The following SGMS1 variants were observed in gnomAD, a reference collection of about 807,000 sequenced individuals.
SGMS1 encodes the protein phosphatidylcholine:ceramide cholinephosphotransferase 1.
In SGMS1, 13 loss-of-function variants were observed where a neutral mutation model predicts 46.2. The ratio of observed to expected loss-of-function variants is 0.28; its 90% CI spans 0.18 to 0.45. The LOEUF is 0.45. SGMS1 is among the 20% of genes least tolerant of loss of function. The probability of loss-of-function intolerance (pLI) is 1.00; values close to 1 mark genes in which losing one functional copy is unlikely to be tolerated. For missense variants in SGMS1, 324 were observed against 519.9 expected (o/e 0.62, Z 3.66); for synonymous variants, 203 against 187.8 (o/e 1.08, Z -0.66).
intron 2 of SGMS1, among the ~76,000 whole-genome samples, chr10:50,567,436 G>A (rs1006082959): frequency 2.0e-5 from 3 of 152,160 alleles, no homozygotes; most frequent in Non-Finnish European, 2.9e-5. Context: ...GACAGGTTTG[G>A]TTAACACACA....
At chr10:50,517,188 C>T (rs1837813871) in intron 3 of SGMS1, among the ~76,000 whole-genome samples, 1 of 152,096 alleles carries the variant, frequency 6.6e-6, no homozygotes, top group African/African-American at 2.4e-5. Context: ...GCATGTAATC[C>T]ATACTCACCC....
rs1013339250 is a variant in SGMS1, at chr10:50,488,955, G to T, written c.-497-22023C>A. ...GCCCAAGCAACTCTATGAGATTAAA[G>T]ATGCTTTTTAAAAAGCTATAATCAT... On this transcript the variant is annotated intron_variant, in intron 3 of 10. Coordinates refer to ENST00000361781, the MANE Select transcript of SGMS1 (RefSeq NM_147156.4). Among the ~76,000 whole-genome samples the T allele has an allele frequency of 1.8e-4, 28 of 152,174 alleles. 1 individual carries two copies. The highest frequency in any genetic ancestry group is 3.9e-4 in the Admixed American group (6 of 15,270).
At chr10:50,507,862 C>T (rs913692316) in intron 3 of SGMS1, among the ~76,000 whole-genome samples, 1 of 152,180 alleles carries the variant, frequency 6.6e-6, no homozygotes, top group African/African-American at 2.4e-5. Context: ...TACCCTAATA[C>T]CCTGGAATGG....
chr10:50,379,982 G>C (rs1848578206), intron 6 of SGMS1, among the ~76,000 whole-genome samples: 1 of 152,122 alleles, frequency 6.6e-6, no homozygotes, highest in Admixed American at 6.6e-5. Flanking sequence ...TATTCAGAAA[G>C]ACTCACCCAA....
chr10:50,550,328 C>T (rs1838137667), intron 2 of SGMS1, among the ~76,000 whole-genome samples: 1 of 152,148 alleles, frequency 6.6e-6, no homozygotes, highest in Admixed American at 6.6e-5. Context: ...CTTTTCATTA[C>T]CTCACCAAGC....
In SGMS1 at chr10:50,343,870, T is replaced by C. The variant is rs751561713; in HGVS notation, c.245A>G (p.Asn82Ser). Residue 82 changes from asparagine (N) to serine (S), a missense_variant, in exon 7 of 11, where the codon AAT (asparagine) becomes AGT (serine). Transcript: ENST00000361781. ...GTCTACGCCAATGTTGAGGTGCCCA[T>C]TGGCATGGCCGTTCTTGTGTGCTTC... ...HLEAHKNGHA[N>S]GHLNIGVDIP... 4 of 1,614,158 alleles carry C rather than the reference T, an allele frequency of 2.5e-6. No homozygotes were observed. The highest frequency in any genetic ancestry group is 2.2e-5 in the East Asian group (1 of 44,874).
chr10:50,490,510 A>G (rs1054260209), intron 3 of SGMS1, among the ~76,000 whole-genome samples: 13 of 152,234 alleles, frequency 8.5e-5, no homozygotes, highest in African/African-American at 3.1e-4. Context: ...GCAACACTGA[A>G]GAATCTCGAT....
chr10:50,615,837 G>A (rs1023894580), intron 1 of SGMS1, among the ~76,000 whole-genome samples: 1 of 152,042 alleles, frequency 6.6e-6, no homozygotes, highest in Non-Finnish European at 1.5e-5. Flanking sequence ...TAACTCCCCT[G>A]GCACTGCACC....
rs190072213 is a variant in SGMS1 at position 50,526,589 on chromosome 10, T to C, written c.-588-6668A>G. 1.7e-3 allele frequency among the ~76,000 whole-genome samples: 263 copies of C among 152,308 alleles called. 2 individuals carry two copies. The highest frequency in any genetic ancestry group is 2.8e-3 in the Non-Finnish European group (191 of 68,026). The stretch of plus-strand genomic sequence containing the variant: ...TTATGAGGTTTGAGAAAGGATTCAG[T>C]TTAGTTAATCTTATTTACCCTGTGC... On this transcript the variant is annotated intron_variant, in intron 2 of 10. Transcript: ENST00000361781.
intron 2 of SGMS1, among the ~76,000 whole-genome samples, chr10:50,560,787 T>G (rs1777827253): frequency 6.6e-6 from 1 of 152,030 alleles, no homozygotes; most frequent in Admixed American, 6.6e-5. Flanking sequence ...GTTTTGTTTT[T>G]TCTTGCTGAC....
intron 3 of SGMS1, among the ~76,000 whole-genome samples, chr10:50,509,453 A>G (rs1360371858): frequency 6.6e-6 from 1 of 152,228 alleles, no homozygotes; most frequent in Non-Finnish European, 1.5e-5. Context: ...AGGAAAATAT[A>G]CATACACATA....
At chr10:50,484,602 C>T (rs1010347112) in intron 3 of SGMS1, among the ~76,000 whole-genome samples, 8 of 152,080 alleles carry the variant, frequency 5.3e-5, no homozygotes, top group Non-Finnish European at 1.0e-4. Flanking sequence ...AAAAAAGAAA[C>T]CTTCAGGCCA....
At chr10:50,536,690 T>C (rs1301980735) in intron 2 of SGMS1, among the ~76,000 whole-genome samples, 3 of 152,242 alleles carry the variant, frequency 2.0e-5, no homozygotes, top group Non-Finnish European at 4.4e-5. Context: ...AAAGTTTCCT[T>C]ATTGAAATCT....
chr10:50,397,603 G>A (rs570960629), intron 6 of SGMS1, among the ~76,000 whole-genome samples: 1 of 152,196 alleles, frequency 6.6e-6, no homozygotes, highest in African/African-American at 2.4e-5. Flanking sequence ...ACATCTCTTT[G>A]CCTCTGTGCA....
chr10:50,623,346 C>G (rs1255306640), intron 1 of SGMS1, among the ~76,000 whole-genome samples: 4 of 152,164 alleles, frequency 2.6e-5, no homozygotes, highest in South Asian at 2.1e-4. Flanking sequence ...GCCTCCCGAT[C>G]GCCCCAATCC....
chr10:50,344,329 G>A lies in SGMS1; in HGVS notation c.-215C>T. ...CCAAGTATTAATTCACCTCATTTTT[G>A]AGCAGGATTCTTCCTTCTGTGAAAG... On this transcript the variant is annotated 5_prime_UTR_variant, in exon 7 of 11. An upstream open reading frame in the 5' UTR gains an earlier in-frame stop. Coordinates refer to ENST00000361781, the MANE Select transcript of SGMS1 (RefSeq NM_147156.4). The A allele has an allele frequency of 2.0e-6, 1 of 507,832 alleles. No individual in the cohort carries two copies. Among genetic ancestry groups the A allele is most frequent in the African/African-American group, 1.9e-5 (1 of 52,894 alleles). The allele number at this position is 507,832 out of a possible 1,614,324, so 31.5% of individuals were successfully genotyped here. A position where few individuals can be genotyped will look rare whatever the true frequency, so the allele number is the denominator to read the frequency against.
At chr10:50,595,959 G>C (rs1011479419) in intron 1 of SGMS1, among the ~76,000 whole-genome samples, 2 of 152,166 alleles carry the variant, frequency 1.3e-5, no homozygotes, top group Non-Finnish European at 2.9e-5. Context: ...TTATTTCAAA[G>C]GGTTGCTGTG....
At chr10:50,451,652 C>T (rs1837110531) in intron 5 of SGMS1, among the ~76,000 whole-genome samples, 1 of 152,054 alleles carries the variant, frequency 6.6e-6, no homozygotes, top group African/African-American at 2.4e-5. Context: ...ATTAATATAA[C>T]ATGGGATTCT....
chr10:50,458,339 C>CT (rs750349777), intron 5 of SGMS1, among the ~76,000 whole-genome samples: 1,813 of 96,920 alleles, frequency 0.019, 116 homozygotes, highest in African/African-American at 0.039. Context: ...TTCTTTTTCT[C>CT]TTTTTTTTTT....
Sources: allele counts gnomAD v4.1 joint callset (sites outside exome capture counted in the v4.1 genomes callset), GRCh38; gene constraint gnomAD v4.1.1; transcripts MANE v1.5; gene names NCBI Gene and HGNC (gene_info 2026-07-23, HGNC 2026-07-21).